Variants in SYCP2 observed in about 807,000 individuals in gnomAD.
SYCP2 encodes the protein synaptonemal complex lateral element protein.
SYCP2 carries 55 observed loss-of-function variants against 211.3 expected under a neutral mutation model. That is an observed-to-expected ratio of 0.26 (90% CI 0.21 to 0.33). The LOEUF (loss-of-function observed/expected upper bound fraction) is 0.33, where lower values mean the gene tolerates loss of function less well. Ranked by LOEUF, SYCP2 falls within the 10% of genes least tolerant of loss-of-function variation. The pLI is 1.00. For synonymous variants in SYCP2, 570 were observed against 555.2 expected (o/e 1.03, Z -0.37); for missense variants, 1,731 against 1,752.0 (o/e 0.99, Z 0.21).
chr20:59,869,826 T>G lies in SYCP2; in HGVS notation c.3713A>C (p.Asn1238Thr). Residue 1238 changes from asparagine (N) to threonine (T), a missense_variant, in exon 36 of 45, where the codon AAT becomes ACT. Coordinates refer to ENST00000357552, the MANE Select transcript of SYCP2 (RefSeq NM_014258.4). ...RFMEIESPHI[N>T]ENYIQSKREE... Reference sequence around the variant, plus strand: ...TCTTTTGCTTTGTATATAATTTTCATTGATATGTGGAGATTCAATTTCCAT... The same window carrying G: ...TCTTTTGCTTTGTATATAATTTTCAGTGATATGTGGAGATTCAATTTCCAT... 6.2e-7 allele frequency: 1 copy of G among 1,605,476 alleles called. No homozygotes were observed. Among genetic ancestry groups the G allele is most frequent in the Non-Finnish European group, 8.5e-7 (1 of 1,174,268 alleles).
chr20:59,903,938 CAT>C (rs2060165272), intron 15 of SYCP2, among the ~76,000 whole-genome samples: 1 of 152,018 alleles, frequency 6.6e-6, no homozygotes, highest in Non-Finnish European at 1.5e-5. Flanking sequence ...ATTAAAATAT[CAT>C]ATGTTTAAAG....
chr20:59,926,695 C>A (rs1018332719), intron 2 of SYCP2, among the ~76,000 whole-genome samples: 2 of 151,954 alleles, frequency 1.3e-5, no homozygotes, highest in Non-Finnish European at 2.9e-5. Flanking sequence ...TACATAAAGC[C>A]CAAACTTAAT....
chr20:59,884,305 G>C (rs1273604428), intron 26 of SYCP2, among the ~76,000 whole-genome samples: 1 of 151,816 alleles, frequency 6.6e-6, no homozygotes, highest in Admixed American at 6.6e-5. Context: ...AACTAGTATT[G>C]TTAGGAAAAA....
chr20:59,911,210 G>A (rs1160452387), intron 14 of SYCP2, among the ~76,000 whole-genome samples: 1 of 152,110 alleles, frequency 6.6e-6, no homozygotes, highest in East Asian at 1.9e-4. Flanking sequence ...ATGGCTCAAG[G>A]ATTTTCCTCA....
At chr20:59,879,854 T>TACAC (rs1281280561) in intron 31 of SYCP2, among the ~76,000 whole-genome samples, 26 of 107,626 alleles carry the variant, frequency 2.4e-4, no homozygotes, top group African/African-American at 1.1e-3. Flanking sequence ...TATATATATA[T>TACAC]ATATATATAC....
chr20:59,910,987 T>A (rs906174196), intron 14 of SYCP2, among the ~76,000 whole-genome samples: 1 of 152,110 alleles, frequency 6.6e-6, no homozygotes, highest in Non-Finnish European at 1.5e-5. Context: ...GGCATTTGAT[T>A]AATGTTCATC....
chr20:59,881,951 T>G lies in SYCP2; in HGVS notation c.2652A>C (p.Lys884Asn). 6.2e-7 allele frequency: 1 copy of G among 1,611,744 alleles called. No individual in the cohort carries two copies. The highest frequency in any genetic ancestry group is 8.5e-7 in the Non-Finnish European group (1 of 1,178,704). Residue 884 changes from lysine (K) to asparagine (N), a missense_variant, in exon 28 of 45, where the codon AAA becomes AAC. Physicochemically the swap from Lys to Asn is moderately conservative, Grantham distance 94 (BLOSUM62 0). Transcript: ENST00000357552. ...TCTTGGTATTTTAGCTTACTCCAAGTTTTATGATAGGGTCATCAGCTCCAT... is the reference window on the plus strand; with the variant it reads ...TCTTGGTATTTTAGCTTACTCCAAGGTTTATGATAGGGTCATCAGCTCCAT... ...NLNGADDPII[K>N]LGIQEFQATA...
At position 59,892,231 on chromosome 20, in the gene SYCP2, G is replaced by A; in HGVS notation, c.2123C>T (p.Thr708Ile). The A allele has an allele frequency of 1.2e-6, 2 of 1,612,752 alleles. No homozygotes were observed. Among genetic ancestry groups the A allele is most frequent in the Non-Finnish European group, 8.5e-7 (1 of 1,179,224 alleles). Residue 708 changes from threonine to isoleucine, a missense_variant, in exon 24 of 45, where the codon ACT (threonine) becomes ATT (isoleucine). This residue lies in a region of SYCP2 where 1,387 missense variants were observed against 1,351.3 expected (regional missense o/e 1.03). Coordinates refer to ENST00000357552, the MANE Select transcript of SYCP2 (RefSeq NM_014258.4). ...CCAATCACTCTGCTTGGCATTTTCA[G>A]TATTTTTCTGCCCTGAATATTTAGG... ...NHPKYSGQKN[T>I]ENAKQSDWPV...
intron 7 of SYCP2, 48 bp downstream of exon 7, chr20:59,919,110 C>A (rs1014132933): frequency 1.0e-6 from 1 of 994,246 alleles, no homozygotes; most frequent in Non-Finnish European, 1.5e-6. Context: ...TACTAAAACT[C>A]TAACAGTAAA....
intron 31 of SYCP2, among the ~76,000 whole-genome samples, chr20:59,879,809 G>A (rs925116128): frequency 3.7e-5 from 3 of 81,210 alleles, no homozygotes; most frequent in African/African-American, 1.0e-4. Context: ...GGGATATTTA[G>A]TAAATATAAA....
intron 13 of SYCP2, chr20:59,912,152 A>C: frequency 2.4e-6 from 1 of 420,260 alleles, no homozygotes; most frequent in Non-Finnish European, 4.3e-6. Flanking sequence ...ACACGAGAAA[A>C]ACTGGACTAC....
At chr20:59,873,769 A>G (rs759583018) in intron 35 of SYCP2, 87 bp downstream of exon 35, 4 of 1,156,992 alleles carry the variant, frequency 3.5e-6, no homozygotes, top group Non-Finnish European at 4.8e-6. Flanking sequence ...ATAGACAAGC[A>G]ATGTGTATCT....
chr20:59,881,666 G>GT (rs376171431), intron 28 of SYCP2, among the ~76,000 whole-genome samples, 174 bp from the exon 29 acceptor site: 2,123 of 143,722 alleles, frequency 0.015, 58 homozygotes, highest in African/African-American at 0.05. Context: ...AAATAGAATA[G>GT]TTTTTTTTTT....
chr20:59,911,610 G>A (rs972552854), intron 14 of SYCP2, 140 bp downstream of exon 14: 1 of 399,276 alleles, frequency 2.5e-6, no homozygotes, highest in Non-Finnish European at 4.6e-6. Context: ...AGGTTGCTAT[G>A]CTAATCAAAC....
chr20:59,900,194 G>T lies in SYCP2; in HGVS notation c.1348C>A (p.Pro450Thr). The T allele has an allele frequency of 1.2e-6, 2 of 1,613,026 alleles. No homozygotes were observed. The highest frequency in any genetic ancestry group is 1.7e-6 in the Non-Finnish European group (2 of 1,179,468). The part of the protein sequence containing the change: ...KSKSPKEFAK[P>T]SKYIKNSDKG... ...TCACTGTTTTTGATATATTTTGAAGGTTTAGCAAATTCCTTTGGGGACTTT... is the reference window on the plus strand; with the variant it reads ...TCACTGTTTTTGATATATTTTGAAGTTTTAGCAAATTCCTTTGGGGACTTT... Residue 450 changes from proline to threonine, a missense_variant, in exon 18 of 45, where the codon CCT (proline) becomes ACT (threonine). Physicochemically the swap from Pro to Thr is conservative, Grantham distance 38. Transcript: ENST00000357552.
chr20:59,889,881 GAT>G (rs2059870773), intron 24 of SYCP2, among the ~76,000 whole-genome samples: 1 of 152,072 alleles, frequency 6.6e-6, no homozygotes, highest in Non-Finnish European at 1.5e-5. Flanking sequence ...CAGTTAGAAT[GAT>G]GATCATTAAA....
chr20:59,921,011 G>A (rs1319339281), intron 4 of SYCP2, among the ~76,000 whole-genome samples: 1 of 151,468 alleles, frequency 6.6e-6, no homozygotes, highest in East Asian at 1.9e-4. Flanking sequence ...AAAAATCTAT[G>A]AACTTGTTTA....
Position 59,916,581 on chromosome 20 carries a change from A to G in SYCP2, c.428-10T>C. 1 of 1,546,280 alleles carries G rather than the reference A, an allele frequency of 6.5e-7. No homozygotes were observed. Among genetic ancestry groups the G allele is most frequent in the Non-Finnish European group, 8.9e-7 (1 of 1,118,576 alleles). On this transcript the variant is annotated splice_polypyrimidine_tract_variant and intron_variant, in intron 7 of 44. Coordinates refer to ENST00000357552, the MANE Select transcript of SYCP2 (RefSeq NM_014258.4). ...ACTACTTGTTTTTTACCTGAATAAA[A>G]GTGTTAAATTATTGATAAATGTTCA...
chr20:59,896,301 G>A (rs1310493844), intron 19 of SYCP2, 128 bp downstream of exon 19: 2 of 568,426 alleles, frequency 3.5e-6, no homozygotes, highest in African/African-American at 3.8e-5. Flanking sequence ...GACATTTGTG[G>A]TTCATATTTT....
Sources: gnomAD v4.1 joint callset for allele counts (sites outside exome capture counted in the v4.1 genomes callset) on GRCh38, gnomAD v4.1.1 for gene constraint, gnomAD v4.1.1 regional missense constraint, MANE v1.5 for transcripts, NCBI Gene and HGNC (gene_info 2026-07-23, HGNC 2026-07-21) for gene names.